The following CISD2 variants were observed in gnomAD, a reference collection of about 807,000 sequenced individuals.
The protein encoded by CISD2 is CDGSH iron sulfur domain 2, also known as CDGSH iron-sulfur domain-containing protein 2.
In CISD2, 1 loss-of-function variant was observed where a neutral mutation model predicts 12.9. The ratio of observed to expected loss-of-function variants is 0.08; its 90% CI spans 0.03 to 0.37. The LOEUF (loss-of-function observed/expected upper bound fraction) is 0.37, where lower values mean the gene tolerates loss of function less well. Ranked by LOEUF, CISD2 falls within the 10% of genes least tolerant of loss-of-function variation. The pLI is 0.99. For missense variants in CISD2, 97 were observed against 163.1 expected, an observed-to-expected ratio of 0.59 and a Z score of 2.21; for synonymous variants, 50 against 60.6, an observed-to-expected ratio of 0.83 and a Z score of 0.81.
rs1734295104 is a variant in CISD2, at chr4:102,892,416, T to G, written c.*4986T>G. On this transcript the variant is annotated 3_prime_UTR_variant, in exon 3 of 3. Coordinates refer to ENST00000273986, the MANE Select transcript of CISD2 (RefSeq NM_001008388.5). ...AGTCATGTTGTAGCAAGCATCACTT[T>G]AATATAAAAAGTGTACAGCTTATAT... The G allele has an allele frequency of 6.6e-6, 1 of 152,222 alleles. No homozygotes were observed. The highest frequency in any genetic ancestry group is 1.5e-5 in the Non-Finnish European group (1 of 68,036). 9.4% of individuals were successfully genotyped at this position (152,222 alleles called of 1,614,324 possible).
intron 1 of CISD2, among the ~76,000 whole-genome samples, chr4:102,875,528 T>G (rs754929552): frequency 2.0e-5 from 3 of 152,248 alleles, no homozygotes; most frequent in Non-Finnish European, 4.4e-5. Flanking sequence ...ATATTTTAAG[T>G]AGTCTTCCTG....
chr4:102,869,198 C>T lies in CISD2; in HGVS notation c.103+11C>T. On this transcript the variant is annotated intron_variant, in intron 1 of 2. Transcript: ENST00000273986. The stretch of plus-strand genomic sequence containing the variant: ...TCGCTAGGCTCACAGGTAATCCTCC[C>T]CCATCAGCCAGTCCCCATCCTTGCA... 1 of 1,596,932 alleles carries T rather than the reference C, an allele frequency of 6.3e-7. No individual in the cohort carries two copies. Among genetic ancestry groups the T allele is most frequent in the Non-Finnish European group, 8.5e-7 (1 of 1,171,736 alleles).
At chr4:102,871,239 T>C (rs893093422) in intron 1 of CISD2, among the ~76,000 whole-genome samples, 1 of 152,208 alleles carries the variant, frequency 6.6e-6, no homozygotes, top group Non-Finnish European at 1.5e-5. Flanking sequence ...TTTAGAAGTA[T>C]GCTTTCTTTT....
intron 1 of CISD2, among the ~76,000 whole-genome samples, chr4:102,883,580 T>A (rs903996601): frequency 6.6e-6 from 1 of 152,212 alleles, no homozygotes; most frequent in Non-Finnish European, 1.5e-5. Context: ...ACAGTATGGC[T>A]AGTGGTGCCC....
At position 102,869,126 on chromosome 4, in the gene CISD2, C is replaced by T. The variant is rs756961402; in HGVS notation, c.42C>T (p.Leu14=). ...ESVARIVKVQ[L]PAYLKRLPVP... ...TGGCCCGTATCGTGAAGGTGCAGCT[C>T]CCTGCATATCTGAAGCGGCTCCCAG... Residue 14 remains leucine, a synonymous_variant, in exon 1 of 3, where the codon CTC becomes CTT. Transcript: ENST00000273986. 2.5e-6 allele frequency: 4 copies of T among 1,613,016 alleles called. No homozygotes were observed. In the South Asian group the frequency reaches 3.3e-5, roughly 13 times the overall value.
At chr4:102,869,228 C>G (rs778097106) in intron 1 of CISD2, 41 bp downstream of exon 1, 2 of 1,571,996 alleles carry the variant, frequency 1.3e-6, no homozygotes, top group Non-Finnish European at 1.7e-6. Flanking sequence ...CTTGCACGTT[C>G]GCCAAGCGGG....
intron 1 of CISD2, among the ~76,000 whole-genome samples, chr4:102,884,815 T>C (rs774756635): frequency 6.6e-6 from 1 of 152,204 alleles, no homozygotes; most frequent in Non-Finnish European, 1.5e-5. Flanking sequence ...TCTGCAGATA[T>C]TCTGTTGTAT....
intron 1 of CISD2, among the ~76,000 whole-genome samples, chr4:102,882,456 C>T (rs534772374): frequency 9.9e-5 from 15 of 152,252 alleles, no homozygotes; most frequent in South Asian, 4.1e-4. Context: ...CAGTAGCTTT[C>T]GCTGGCCTCA....
At position 102,885,412 on chromosome 4, in the gene CISD2, G is replaced by A. The variant is rs750923436; in HGVS notation, c.300G>A (p.Arg100=). The stretch of plus-strand genomic sequence containing the variant: ...GTCTTACTAAAGCAGCTTATTGTAG[G>A]TGTTGGCGTTCTAAAACGGTAAGAT... ...DLCLTKAAYC[R]CWRSKTFPAC... The change falls in exon 2 of 3, where the codon AGG becomes AGA. Residue 100 remains arginine, a synonymous_variant. Coordinates refer to ENST00000273986, the MANE Select transcript of CISD2 (RefSeq NM_001008388.5). 1.5e-5 allele frequency: 24 copies of A among 1,613,972 alleles called. No homozygotes were observed. In the South Asian group the frequency reaches 2.2e-4, roughly 15 times the overall value.
At chr4:102,883,228 C>T (rs1351020236) in intron 1 of CISD2, among the ~76,000 whole-genome samples, 1 of 152,124 alleles carries the variant, frequency 6.6e-6, no homozygotes, top group Non-Finnish European at 1.5e-5. Context: ...TTTATCTAAC[C>T]CTTACACATG....
intron 2 of CISD2, among the ~76,000 whole-genome samples, chr4:102,886,807 G>A (rs1733947960): frequency 6.6e-6 from 1 of 152,132 alleles, no homozygotes; most frequent in Non-Finnish European, 1.5e-5. Flanking sequence ...TAGAGATGGC[G>A]TTTTACCATG....
intron 1 of CISD2, among the ~76,000 whole-genome samples, chr4:102,875,824 C>A (rs1188494472): frequency 1.3e-5 from 2 of 152,224 alleles, no homozygotes; most frequent in Non-Finnish European, 1.5e-5. Context: ...GTTCCTACTT[C>A]ATTCGTTTCT....
intron 1 of CISD2, among the ~76,000 whole-genome samples, chr4:102,872,030 C>T (rs78525978): frequency 0.012 from 1,851 of 152,216 alleles, 39 homozygotes; most frequent in African/African-American, 0.042. Context: ...AAGAGTGAGG[C>T]GTTCAAGATA....
At position 102,888,832 on chromosome 4, in the gene CISD2, T is replaced by C. The variant is rs1734076479; in HGVS notation, c.*1402T>C. On this transcript the variant is annotated 3_prime_UTR_variant, in exon 3 of 3. Transcript: ENST00000273986. The stretch of plus-strand genomic sequence containing the variant: ...AGAGTTACCATTTAACTCCCTTCAC[T>C]GAGTGCGTTTCTGAGACCTTGCTAG... The C allele has an allele frequency of 6.6e-6, 1 of 152,238 alleles. No homozygotes were observed. The highest frequency in any genetic ancestry group is 2.4e-5 in the African/African-American group (1 of 41,476). 9.4% of individuals were successfully genotyped at this position (152,238 alleles called of 1,614,324 possible).
intron 1 of CISD2, among the ~76,000 whole-genome samples, chr4:102,882,236 C>T (rs1486737969): frequency 6.6e-6 from 1 of 152,010 alleles, no homozygotes; most frequent in Non-Finnish European, 1.5e-5. Context: ...CCCATTCACT[C>T]GCTTTTTGAT....
chr4:102,881,652 T>G (rs1383066483), intron 1 of CISD2, among the ~76,000 whole-genome samples: 1 of 152,198 alleles, frequency 6.6e-6, no homozygotes, highest in Non-Finnish European at 1.5e-5. Context: ...TGTATAAAGT[T>G]TTTCAGTAGT....
At chr4:102,884,917 T>C (rs1040965882) in intron 1 of CISD2, 1 of 350,600 alleles carries the variant, frequency 2.9e-6, no homozygotes, top group Non-Finnish European at 5.4e-6. Context: ...TCATAACTCC[T>C]AAAATAAAAA....
chr4:102,881,593 A>G (rs1418721082), intron 1 of CISD2, among the ~76,000 whole-genome samples: 2 of 152,216 alleles, frequency 1.3e-5, no homozygotes, highest in African/African-American at 2.4e-5. Flanking sequence ...GCCTGAATAA[A>G]TGTACTTACA....
chr4:102,871,161 C>T (rs7698413), intron 1 of CISD2, among the ~76,000 whole-genome samples: 5 of 152,070 alleles, frequency 3.3e-5, no homozygotes, highest in African/African-American at 9.7e-5. Context: ...GTATTAGTTT[C>T]GATTCTCTGT....
Sources: gnomAD v4.1 joint callset for allele counts (sites outside exome capture counted in the v4.1 genomes callset) on GRCh38, gnomAD v4.1.1 for gene constraint, MANE v1.5 for transcripts, NCBI Gene and HGNC (gene_info 2026-07-23, HGNC 2026-07-21) for gene names.